Variants in CCBE1 observed in about 807,000 individuals in gnomAD.
CCBE1 encodes collagen and calcium-binding EGF domain-containing protein 1.
CCBE1 carries 37 observed loss-of-function variants against 50.0 expected under a neutral mutation model. The ratio of observed to expected loss-of-function variants is 0.74; its 90% CI spans 0.57 to 0.97. The LOEUF (loss-of-function observed/expected upper bound fraction) is 0.97. CCBE1 is among the 50% of genes least tolerant of loss of function. The pLI, the probability that CCBE1 is intolerant of heterozygous loss-of-function variation, is 0.00. For synonymous variants in CCBE1, 234 were observed against 203.7 expected, an observed-to-expected ratio of 1.15 and a Z score of -1.27; for missense variants, 538 against 523.8, an observed-to-expected ratio of 1.03 and a Z score of -0.26.
At chr18:59,567,277 T>C (rs960462167) in intron 2 of CCBE1, among the ~76,000 whole-genome samples, 2 of 151,952 alleles carry the variant, frequency 1.3e-5, no homozygotes, top group Non-Finnish European at 2.9e-5. Context: ...CCAGCTACCC[T>C]ACCCACCACC....
intron 2 of CCBE1, among the ~76,000 whole-genome samples, chr18:59,565,112 C>T (rs11872959): frequency 0.028 from 4,282 of 152,242 alleles, 207 homozygotes; most frequent in African/African-American, 0.098. Context: ...AGGCAAGGGC[C>T]ACCCTTCAGG....
chr18:59,546,499 T>C (rs1461116419), intron 2 of CCBE1, among the ~76,000 whole-genome samples: 3 of 152,240 alleles, frequency 2.0e-5, no homozygotes, highest in African/African-American at 7.2e-5. Context: ...CCCTATGCCA[T>C]TTCACAGAGG....
chr18:59,582,729 T>C (rs986009119), intron 2 of CCBE1, among the ~76,000 whole-genome samples: 2 of 152,184 alleles, frequency 1.3e-5, no homozygotes, highest in African/African-American at 4.8e-5. Flanking sequence ...ACTCTTTTTT[T>C]AACTAGGTAA....
rs117606869 is a variant in CCBE1, at chr18:59,510,867, A to C, written c.213-30629T>G. Reference sequence around the variant, plus strand: ...TAAGATGGTCTTAAAATGTCTTTGCATATGGATTCTGATTCTCCTGAATCT... The same window carrying C: ...TAAGATGGTCTTAAAATGTCTTTGCCTATGGATTCTGATTCTCCTGAATCT... On this transcript the variant is annotated intron_variant, in intron 2 of 10. Transcript: ENST00000439986. Among the ~76,000 whole-genome samples the C allele has an allele frequency of 1.3e-3, 202 of 152,370 alleles. 9 individuals are homozygous for C. In the East Asian group the frequency reaches 0.034, roughly 26 times the overall value.
chr18:59,528,758 T>G (rs1229156748), intron 2 of CCBE1, among the ~76,000 whole-genome samples: 2 of 152,154 alleles, frequency 1.3e-5, no homozygotes, highest in Non-Finnish European at 2.9e-5. Context: ...CCAGACCCTA[T>G]TTGCCTGGGT....
chr18:59,627,962 G>A (rs367768973), intron 2 of CCBE1, among the ~76,000 whole-genome samples: 3 of 152,176 alleles, frequency 2.0e-5, no homozygotes, highest in Admixed American at 6.5e-5. Flanking sequence ...CCCACAATCC[G>A]GGTACTTTGG....
At chr18:59,636,125 C>T (rs1207032178) in intron 2 of CCBE1, among the ~76,000 whole-genome samples, 1 of 152,076 alleles carries the variant, frequency 6.6e-6, no homozygotes, top group East Asian at 1.9e-4. Flanking sequence ...CACACTCCAG[C>T]CTGGGCGACA....
At chr18:59,682,665 A>G (rs1054259253) in intron 2 of CCBE1, among the ~76,000 whole-genome samples, 4 of 152,242 alleles carry the variant, frequency 2.6e-5, no homozygotes, top group Non-Finnish European at 5.9e-5. Context: ...TATTAACTGA[A>G]AAAAAGCAAT....
At chr18:59,560,065 G>A (rs1218598898) in intron 2 of CCBE1, among the ~76,000 whole-genome samples, 1 of 152,214 alleles carries the variant, frequency 6.6e-6, no homozygotes, top group Non-Finnish European at 1.5e-5. Context: ...TCTCTTGCAG[G>A]TTTAGAAGCA....
intron 6 of CCBE1, among the ~76,000 whole-genome samples, chr18:59,453,290 AACTT>A (rs1269143657): frequency 2.6e-5 from 4 of 152,128 alleles, no homozygotes; most frequent in South Asian, 2.1e-4. Context: ...ATGAAATGCA[AACTT>A]ACTTCTTCCT....
At chr18:59,519,629 C>T (rs1914514930) in intron 2 of CCBE1, among the ~76,000 whole-genome samples, 1 of 152,214 alleles carries the variant, frequency 6.6e-6, no homozygotes, top group South Asian at 2.1e-4. Context: ...GTTGCCTGTT[C>T]ACTCTGATGA....
chr18:59,599,477 G>T (rs1465799482), intron 2 of CCBE1, among the ~76,000 whole-genome samples: 6 of 152,148 alleles, frequency 3.9e-5, no homozygotes, highest in African/African-American at 2.4e-5. Context: ...CAACTCTTCT[G>T]TTGCAGCTCA....
At chr18:59,674,400 A>C (rs557996879) in intron 2 of CCBE1, among the ~76,000 whole-genome samples, 11 of 152,182 alleles carry the variant, frequency 7.2e-5, no homozygotes, top group Non-Finnish European at 1.6e-4. Context: ...GTTCTCACTT[A>C]TAAGTGGGAG....
chr18:59,633,587 G>A (rs11662424), intron 2 of CCBE1, among the ~76,000 whole-genome samples: 55,329 of 151,978 alleles, frequency 0.36, 10,381 homozygotes, highest in East Asian at 0.6. Flanking sequence ...GATCCCTCAC[G>A]CAGTTAATAA....
intron 2 of CCBE1, among the ~76,000 whole-genome samples, chr18:59,670,230 A>G (rs2054413752): frequency 6.6e-6 from 1 of 152,220 alleles, no homozygotes; most frequent in Non-Finnish European, 1.5e-5. Context: ...GTGAAAAATT[A>G]TAATAAAAAC....
At chr18:59,578,027 C>T (rs2053024657) in intron 2 of CCBE1, among the ~76,000 whole-genome samples, 1 of 152,096 alleles carries the variant, frequency 6.6e-6, no homozygotes, top group Non-Finnish European at 1.5e-5. Context: ...AAGAGGCAAC[C>T]TACAGAATGG....
At chr18:59,618,436 GTT>G (rs1458037196) in intron 2 of CCBE1, among the ~76,000 whole-genome samples, 13 of 141,606 alleles carry the variant, frequency 9.2e-5, no homozygotes, top group East Asian at 2.0e-4. Context: ...CCTTAGAAAA[GTT>G]TTTTTTTTTT....
intron 2 of CCBE1, among the ~76,000 whole-genome samples, chr18:59,493,635 T>C (rs1455526522): frequency 6.6e-6 from 1 of 152,204 alleles, no homozygotes; most frequent in Non-Finnish European, 1.5e-5. Flanking sequence ...CCCAGGCTGC[T>C]GGGCTCCAGA....
intron 2 of CCBE1, among the ~76,000 whole-genome samples, chr18:59,584,935 T>C (rs1013068721): frequency 3.9e-5 from 6 of 152,150 alleles, no homozygotes; most frequent in Admixed American, 3.9e-4. Context: ...CAAGTTTGAT[T>C]CTATGACTCT....
Sources: allele counts gnomAD v4.1 joint callset (sites outside exome capture counted in the v4.1 genomes callset), GRCh38; gene constraint gnomAD v4.1.1; transcripts MANE v1.5; gene names NCBI Gene and HGNC (gene_info 2026-07-23, HGNC 2026-07-21).